The following KHDC1 variants were observed in gnomAD, a reference collection of about 807,000 sequenced individuals.
KHDC1 encodes KH domain containing 1.
A neutral mutation model predicts 24.7 loss-of-function variants in KHDC1; 21 were observed. The observed-to-expected ratio is 0.85, with a 90% CI of 0.60 to 1.23. KHDC1 has a LOEUF of 1.23. KHDC1 is among the 50% of genes most tolerant of loss of function. The pLI is 0.00. For synonymous variants in KHDC1, 98 were observed against 111.7 expected, an observed-to-expected ratio of 0.88 and a Z score of 0.77; for missense variants, 274 against 298.5, an observed-to-expected ratio of 0.92 and a Z score of 0.61.
chr6:73,306,758 C>T (rs1442361762), intron 1 of KHDC1, among the ~76,000 whole-genome samples: 2 of 152,184 alleles, frequency 1.3e-5, no homozygotes, highest in Non-Finnish European at 2.9e-5. Flanking sequence ...CCTGCAATCC[C>T]AACACTTTGG....
intron 2 of KHDC1, among the ~76,000 whole-genome samples, chr6:73,251,718 T>C (rs1377985172): frequency 6.6e-6 from 1 of 152,144 alleles, no homozygotes; most frequent in Non-Finnish European, 1.5e-5. Flanking sequence ...CTCAAGGAAG[T>C]ACACAGTTTG....
intron 2 of KHDC1, among the ~76,000 whole-genome samples, chr6:73,256,470 T>C (rs1475391144): frequency 6.6e-6 from 1 of 152,210 alleles, no homozygotes; most frequent in Non-Finnish European, 1.5e-5. Flanking sequence ...GGTTTAGACA[T>C]AAGCCAGTCA....
chr6:73,286,993 A>G (rs1767535660), intron 2 of KHDC1, among the ~76,000 whole-genome samples: 1 of 152,210 alleles, frequency 6.6e-6, no homozygotes, highest in African/African-American at 2.4e-5. Context: ...CATGGAAATA[A>G]CAGTGGCCCA....
chr6:73,274,667 T>C (rs1767247333), intron 2 of KHDC1: 1 of 152,446 alleles, frequency 6.6e-6, no homozygotes, highest in African/African-American at 2.4e-5. Flanking sequence ...TGATTGTAAG[T>C]TTCCTGAGGT....
At chr6:73,246,275 C>A (rs1766663289) in intron 2 of KHDC1, among the ~76,000 whole-genome samples, 1 of 152,138 alleles carries the variant, frequency 6.6e-6, no homozygotes, top group African/African-American at 2.4e-5. Flanking sequence ...ACTATTCAGC[C>A]ACTTGAGCTG....
At chr6:73,290,822 T>C (rs1009836282) in intron 2 of KHDC1, 1 of 331,006 alleles carries the variant, frequency 3.0e-6, no homozygotes, top group South Asian at 2.7e-5. Context: ...GGGCTTCTTA[T>C]GGTAACCTAC....
At chr6:73,267,012 G>C (rs562393313) in intron 2 of KHDC1, among the ~76,000 whole-genome samples, 1 of 152,130 alleles carries the variant, frequency 6.6e-6, no homozygotes, top group South Asian at 2.1e-4. Flanking sequence ...ACATTGCAAG[G>C]CCCTATCTCA....
intron 1 of KHDC1, among the ~76,000 whole-genome samples, chr6:73,307,043 G>A (rs1415367315): frequency 4.0e-5 from 6 of 151,774 alleles, no homozygotes; most frequent in Admixed American, 1.3e-4. Context: ...CCCAAACACT[G>A]TGAGAAGACA....
intron 4 of KHDC1, 104 bp from the exon 4 acceptor site, chr6:73,241,832 C>A (rs140892193): frequency 6.3e-6 from 8 of 1,279,694 alleles, no homozygotes; most frequent in Non-Finnish European, 7.6e-6. Flanking sequence ...GTCACCCCAG[C>A]CCAGACCTTC....
At chr6:73,307,410 C>T (rs892116464) in intron 1 of KHDC1, among the ~76,000 whole-genome samples, 1 of 152,056 alleles carries the variant, frequency 6.6e-6, no homozygotes, top group Non-Finnish European at 1.5e-5. Context: ...GGCGACAGAG[C>T]GAGACCCTGT....
intron 2 of KHDC1, among the ~76,000 whole-genome samples, chr6:73,288,826 G>T (rs1215594052): frequency 2.9e-5 from 4 of 138,918 alleles, no homozygotes; most frequent in South Asian, 4.6e-4. Context: ...AAAAAAAAAG[G>T]TAATTACTGA....
At chr6:73,293,242 C>T (rs1582584579) in intron 1 of KHDC1, 2 of 660,094 alleles carry the variant, frequency 3.0e-6, no homozygotes, top group Middle Eastern at 3.8e-4. Flanking sequence ...GTCAGAGGCT[C>T]CTAACTGGGC....
intron 1 of KHDC1, among the ~76,000 whole-genome samples, chr6:73,305,877 T>C (rs1180566070): frequency 6.6e-6 from 1 of 152,150 alleles, no homozygotes; most frequent in Non-Finnish European, 1.5e-5. Context: ...CAGGATGGTC[T>C]TGAACTCCTG....
At chr6:73,241,324 A>G in exon 5 of KHDC1, 1 of 550,206 alleles carries the variant, frequency 1.8e-6, no homozygotes, top group East Asian at 3.2e-5. Context: ...TTTGCATCAT[A>G]GGTAGCTTAT....
chr6:73,249,946 G>A (rs1323726574), intron 2 of KHDC1, among the ~76,000 whole-genome samples: 4 of 152,108 alleles, frequency 2.6e-5, no homozygotes, highest in Non-Finnish European at 5.9e-5. Context: ...GCAGGAATAT[G>A]TTAACAAATA....
intron 2 of KHDC1, among the ~76,000 whole-genome samples, chr6:73,272,319 G>A (rs768394218): frequency 1.5e-4 from 22 of 151,586 alleles, no homozygotes; most frequent in African/African-American, 4.8e-4. Flanking sequence ...CTGCCACCAC[G>A]TCGGGGTTTC....
At chr6:73,285,995 A>G (rs1033855784) in intron 2 of KHDC1, among the ~76,000 whole-genome samples, 1 of 152,202 alleles carries the variant, frequency 6.6e-6, no homozygotes, top group African/African-American at 2.4e-5. Context: ...CCTATAAATA[A>G]TCACATTTAG....
At chr6:73,254,232 G>T (rs1159106179) in intron 2 of KHDC1, among the ~76,000 whole-genome samples, 1 of 152,030 alleles carries the variant, frequency 6.6e-6, no homozygotes, top group Non-Finnish European at 1.5e-5. Context: ...GGCCGAGGCG[G>T]GTGGGATCAC....
chr6:73,257,403 G>A (rs568140572), intron 2 of KHDC1, among the ~76,000 whole-genome samples: 2 of 152,034 alleles, frequency 1.3e-5, no homozygotes, highest in African/African-American at 4.8e-5. Context: ...GGGAATTTTT[G>A]TTTGTTTGTT....
Sources: allele counts gnomAD v4.1 joint callset (sites outside exome capture counted in the v4.1 genomes callset), GRCh38; gene constraint gnomAD v4.1.1; transcripts MANE v1.5; gene names NCBI Gene and HGNC (gene_info 2026-07-23, HGNC 2026-07-21).